NKAIN3: variants seen among roughly 807,000 people sequenced by gnomAD.
NKAIN3 encodes sodium/potassium-transporting ATPase subunit beta-1-interacting protein 3.
Under a neutral mutation model 30.2 loss-of-function variants are expected in NKAIN3, and 25 were observed. That is an observed-to-expected ratio of 0.83 (90% CI 0.60 to 1.16). The LOEUF (loss-of-function observed/expected upper bound fraction) is 1.16, where lower values mean the gene tolerates loss of function less well. Among genes scored for constraint, NKAIN3 ranks in the 50% most tolerant of loss-of-function variants. The pLI is 0.00. For synonymous variants in NKAIN3, 91 were observed against 89.6 expected (o/e 1.02, Z -0.09); for missense variants, 225 against 254.1 (o/e 0.89, Z 0.78).
intron 4 of NKAIN3, among the ~76,000 whole-genome samples, chr8:62,796,782 T>TCTCACA (rs1817873808): frequency 3.3e-5 from 1 of 30,336 alleles, no homozygotes; most frequent in South Asian, 1.1e-3. Flanking sequence ...AGTTTTTGTA[T>TCTCACA]CACACATACA....
chr8:62,441,474 G>T (rs554517145), intron 1 of NKAIN3, among the ~76,000 whole-genome samples: 50 of 151,892 alleles, frequency 3.3e-4, no homozygotes, highest in Admixed American at 7.2e-4. Context: ...AATGTCTTGT[G>T]CATTGTTTAC....
intron 4 of NKAIN3, among the ~76,000 whole-genome samples, chr8:62,869,442 T>A (rs977907772): frequency 1.3e-5 from 2 of 152,228 alleles, no homozygotes; most frequent in African/African-American, 4.8e-5. Context: ...TTTCTGTTCC[T>A]GTGTTAGTTT....
intron 1 of NKAIN3, among the ~76,000 whole-genome samples, chr8:62,278,802 A>C (rs1220602634): frequency 5.3e-5 from 8 of 152,146 alleles, no homozygotes; most frequent in Non-Finnish European, 7.3e-5. Flanking sequence ...GGTTGGTTCC[A>C]AGTCTTTTCT....
intron 4 of NKAIN3, among the ~76,000 whole-genome samples, chr8:62,845,924 A>G (rs770896117): frequency 4.6e-5 from 7 of 152,182 alleles, no homozygotes; most frequent in Non-Finnish European, 8.8e-5. Flanking sequence ...TGATTTACTT[A>G]ATAAAAACAA....
chr8:62,320,380 G>A (rs1464544072), intron 1 of NKAIN3, among the ~76,000 whole-genome samples: 3 of 152,190 alleles, frequency 2.0e-5, no homozygotes, highest in Middle Eastern at 3.4e-3. Flanking sequence ...TCATTATGAT[G>A]TTAGCTGGTT....
intron 1 of NKAIN3, among the ~76,000 whole-genome samples, chr8:62,302,099 G>C (rs1443259021): frequency 2.6e-5 from 4 of 152,038 alleles, no homozygotes; most frequent in Non-Finnish European, 5.9e-5. Context: ...TGTTCATCTA[G>C]AACTGCCTCC....
intron 1 of NKAIN3, among the ~76,000 whole-genome samples, chr8:62,385,123 T>G (rs565843250): frequency 2.6e-4 from 40 of 151,840 alleles, no homozygotes; most frequent in African/African-American, 9.2e-4. Flanking sequence ...GGAGTGCGAG[T>G]CCCCCCAGTT....
intron 1 of NKAIN3, among the ~76,000 whole-genome samples, chr8:62,564,426 A>G (rs1809684072): frequency 6.6e-6 from 1 of 152,182 alleles, no homozygotes. Flanking sequence ...ATTTTTAAAG[A>G]ATAATGCTGT....
Position 62,419,079 on chromosome 8 carries a change from G to C in NKAIN3, c.55-160460G>C, listed in dbSNP as rs539616893. On this transcript the variant is annotated intron_variant, in intron 1 of 6. Transcript: ENST00000623646. ...TCTTACTTCTATCTTTTGGTTTCAA[G>C]ACACAAGTAGTCTAACTAAAGGGAC... is the stretch of plus-strand genomic sequence containing the variant. Among the ~76,000 whole-genome samples, 4 of 152,240 alleles carry C rather than the reference G, an allele frequency of 2.6e-5. No individual in the cohort carries two copies. The South Asian group carries it at 8.3e-4, about 32-fold the overall frequency.
chr8:62,537,073 A>G (rs1808687766), intron 1 of NKAIN3, among the ~76,000 whole-genome samples: 1 of 152,194 alleles, frequency 6.6e-6, no homozygotes, highest in East Asian at 1.9e-4. Flanking sequence ...GAAAGAAAAG[A>G]CAACCAGTTA....
At chr8:62,322,460 T>C (rs1814963018) in intron 1 of NKAIN3, among the ~76,000 whole-genome samples, 1 of 151,938 alleles carries the variant, frequency 6.6e-6, no homozygotes, top group South Asian at 2.1e-4. Context: ...CTATTCAGCA[T>C]CTTGGCTCCA....
At chr8:62,349,623 G>A (rs1443459502) in intron 1 of NKAIN3, among the ~76,000 whole-genome samples, 4 of 152,168 alleles carry the variant, frequency 2.6e-5, no homozygotes, top group Non-Finnish European at 5.9e-5. Flanking sequence ...ACAGGCCTGG[G>A]TCCCAGCACA....
chr8:62,568,462 C>T (rs772943367), intron 1 of NKAIN3, among the ~76,000 whole-genome samples: 11 of 152,018 alleles, frequency 7.2e-5, no homozygotes, highest in South Asian at 2.1e-4. Context: ...GAAAATTTTG[C>T]GAAATCGTTT....
At chr8:62,584,710 C>T (rs749169511) in intron 2 of NKAIN3, among the ~76,000 whole-genome samples, 4 of 152,192 alleles carry the variant, frequency 2.6e-5, no homozygotes, top group African/African-American at 7.2e-5. Context: ...CTTGGAAAAC[C>T]TTTAATAATC....
chr8:62,596,570 A>G (rs1244708058), intron 3 of NKAIN3, among the ~76,000 whole-genome samples: 1 of 151,972 alleles, frequency 6.6e-6, no homozygotes, highest in Non-Finnish European at 1.5e-5. Flanking sequence ...GAGTCTGTAT[A>G]TATATTTACC....
intron 2 of NKAIN3, among the ~76,000 whole-genome samples, chr8:62,581,428 T>C (rs1017269956): frequency 3.3e-5 from 5 of 152,216 alleles, no homozygotes; most frequent in Non-Finnish European, 7.3e-5. Context: ...AATGAAGCTA[T>C]AGGTAAACAC....
At chr8:62,862,204 G>A (rs559208836) in intron 4 of NKAIN3, among the ~76,000 whole-genome samples, 5 of 152,078 alleles carry the variant, frequency 3.3e-5, no homozygotes, top group Admixed American at 6.5e-5. Context: ...TGGCAGATCC[G>A]ATTCATCATG....
intron 1 of NKAIN3, among the ~76,000 whole-genome samples, chr8:62,573,033 G>A (rs186742050): frequency 6.6e-6 from 1 of 152,242 alleles, no homozygotes; most frequent in Non-Finnish European, 1.5e-5. Flanking sequence ...ATGATTCATA[G>A]ACTTGCAGGA....
intron 1 of NKAIN3, among the ~76,000 whole-genome samples, chr8:62,331,505 C>T (rs1360544148): frequency 6.6e-6 from 1 of 152,144 alleles, no homozygotes; most frequent in Non-Finnish European, 1.5e-5. Context: ...AGACACTCCA[C>T]AAATGTGAAA....
Sources: gnomAD v4.1 joint callset for allele counts (sites outside exome capture counted in the v4.1 genomes callset) on GRCh38, gnomAD v4.1.1 for gene constraint, MANE v1.5 for transcripts, NCBI Gene and HGNC (gene_info 2026-07-23, HGNC 2026-07-21) for gene names.